Variants in ZNF516 observed in about 807,000 individuals in gnomAD.
The protein encoded by ZNF516 is zinc finger protein 516.
Under a neutral mutation model 79.7 loss-of-function variants are expected in ZNF516, and 19 were observed. That is an observed-to-expected ratio of 0.24 (90% CI 0.17 to 0.35). The LOEUF (loss-of-function observed/expected upper bound fraction) is 0.35, where lower values mean the gene tolerates loss of function less well. Ranked by LOEUF, ZNF516 falls within the 10% of genes least tolerant of loss-of-function variation. The pLI, the probability that ZNF516 is intolerant of heterozygous loss-of-function variation, is 1.00. For missense variants in ZNF516, 1,678 were observed against 1,679.5 expected, an observed-to-expected ratio of 1.00 and a Z score of 0.02; for synonymous variants, 877 against 739.5, an observed-to-expected ratio of 1.19 and a Z score of -3.02.
chr18:76,496,024 C>T (rs1236340027), upstream of ZNF516, among the ~76,000 whole-genome samples: 2 of 152,260 alleles, frequency 1.3e-5, no homozygotes, highest in East Asian at 1.9e-4. Context: ...AACTTCATTT[C>T]TTCACCTCAC....
At chr18:76,440,066 C>G (rs1234769564) in intron 3 of ZNF516, among the ~76,000 whole-genome samples, 2 of 152,242 alleles carry the variant, frequency 1.3e-5, no homozygotes, top group African/African-American at 2.4e-5. Context: ...ATACGCATTA[C>G]TGAAAAGTCA....
At chr18:76,386,891 G>C (rs1219425524) in intron 3 of ZNF516, 1 of 152,174 alleles carries the variant, frequency 6.6e-6, no homozygotes, top group African/African-American at 2.4e-5. Context: ...GGTTCCCACA[G>C]GATGTGGTAT....
intron 3 of ZNF516, among the ~76,000 whole-genome samples, chr18:76,434,222 A>G (rs1478716560): frequency 1.3e-5 from 2 of 151,220 alleles, no homozygotes; most frequent in Admixed American, 1.3e-4. Flanking sequence ...ACAAAAAGGA[A>G]CCCTTCCATT....
chr18:76,457,685 C>A (rs116077106), intron 2 of ZNF516, among the ~76,000 whole-genome samples: 2,686 of 152,278 alleles, frequency 0.018, 92 homozygotes, highest in African/African-American at 0.062. Flanking sequence ...CCACTGCACT[C>A]CATCCTAGGT....
chr18:76,378,878 C>T lies in ZNF516; in HGVS notation c.3236G>A (p.Ser1079Asn). The T allele has an allele frequency of 6.2e-7, 1 of 1,613,462 alleles. No homozygotes were observed. Among genetic ancestry groups the T allele is most frequent in the Non-Finnish European group, 8.5e-7 (1 of 1,179,670 alleles). The change falls in exon 4 of 7, where the codon AGC (serine) becomes AAC (asparagine). Residue 1079 changes from serine (S) to asparagine (N), a missense_variant. By Grantham distance (46) the Ser-to-Asn change is conservative. Transcript: ENST00000443185. ...FATLYQGWGV[S>N]GPGLEHRGTL... is the part of the protein sequence containing the mutation. ...ACCTCTGTGCTCCAACCCAGGGCCG[C>T]TGACACCCCATCCCTGGTAGAGGGT... is the stretch of plus-strand genomic sequence containing the variant.
intron 3 of ZNF516, among the ~76,000 whole-genome samples, chr18:76,423,169 A>G (rs2075530165): frequency 6.6e-6 from 1 of 152,214 alleles, no homozygotes; most frequent in African/African-American, 2.4e-5. Flanking sequence ...CATTCTTTAC[A>G]AGGGAAGGGA....
At chr18:76,452,632 C>T (rs1355951969) in intron 2 of ZNF516, among the ~76,000 whole-genome samples, 1 of 152,148 alleles carries the variant, frequency 6.6e-6, no homozygotes, top group Non-Finnish European at 1.5e-5. Flanking sequence ...ATTCCTGGTC[C>T]AAGAGGAAAG....
At chr18:76,397,511 TTAAGTGA>T (rs1909661537) in intron 3 of ZNF516, among the ~76,000 whole-genome samples, 1 of 152,262 alleles carries the variant, frequency 6.6e-6, no homozygotes, top group South Asian at 2.1e-4. Flanking sequence ...CGTTTTCATT[TTAAGTGA>T]TAATCTACTA....
chr18:76,364,150 T>C (rs772950661), intron 6 of ZNF516, among the ~76,000 whole-genome samples: 1 of 152,200 alleles, frequency 6.6e-6, no homozygotes, highest in Non-Finnish European at 1.5e-5. Context: ...CACTGCAAAG[T>C]CGGGATAAGC....
At position 76,361,828 on chromosome 18, in the gene ZNF516, TG is replaced by T. The variant is rs1232318804; in HGVS notation, c.*669del. On this transcript the variant is annotated 3_prime_UTR_variant, in exon 7 of 7. Coordinates refer to ENST00000443185, the MANE Select transcript of ZNF516 (RefSeq NM_014643.4). ...CGCTCAGTTCGAATGGTGGGAAGAA[TG>T]GAACAGGCACACGGCCCCAGGGAGG... The T allele has an allele frequency of 6.6e-6, 1 of 152,156 alleles. No individual in the cohort carries two copies. The highest frequency in any genetic ancestry group is 1.5e-5 in the Non-Finnish European group (1 of 68,036). 9.4% of individuals were successfully genotyped at this position (152,156 alleles called of 1,614,324 possible). A position where few individuals can be genotyped will look rare whatever the true frequency, so the allele number is the denominator to read the frequency against.
intron 1 of ZNF516, chr18:76,491,056 G>T: frequency 1.0e-6 from 1 of 985,232 alleles, no homozygotes; most frequent in Non-Finnish European, 1.2e-6. Flanking sequence ...GCGCAGGACC[G>T]GTTCAGGTGT....
intron 3 of ZNF516, among the ~76,000 whole-genome samples, chr18:76,396,773 T>C (rs2075152086): frequency 6.6e-6 from 1 of 152,132 alleles, no homozygotes; most frequent in African/African-American, 2.4e-5. Context: ...CTCCAAACTG[T>C]GGAGAAGAGA....
Position 76,415,532 on chromosome 18 carries a change from G to A in ZNF516, c.1810+25713C>T, listed in dbSNP as rs188091517. 7.2e-5 allele frequency among the ~76,000 whole-genome samples: 11 copies of A among 152,298 alleles called. 1 individual carries two copies. In the East Asian group the frequency reaches 9.6e-4, roughly 13 times the overall value. ...AAAGAGGGCACAGCCAGCTCTCAGC[G>A]GTGGCCATGCAGAACCTGCCTCTCC... On this transcript the variant is annotated intron_variant, in intron 3 of 6. Coordinates refer to ENST00000443185, the MANE Select transcript of ZNF516 (RefSeq NM_014643.4).
At chr18:76,479,128 C>G (rs1914347854) in intron 1 of ZNF516, among the ~76,000 whole-genome samples, 1 of 151,978 alleles carries the variant, frequency 6.6e-6, no homozygotes, top group Admixed American at 6.6e-5. Flanking sequence ...GAACAATCAT[C>G]ATCAGGATAC....
intron 6 of ZNF516, among the ~76,000 whole-genome samples, chr18:76,366,796 A>C (rs755358278): frequency 9.9e-5 from 15 of 152,202 alleles, no homozygotes; most frequent in Admixed American, 3.9e-4. Flanking sequence ...CTTGATTTCC[A>C]CAGCAAGTAT....
At chr18:76,477,749 A>G (rs149855729) in intron 1 of ZNF516, among the ~76,000 whole-genome samples, 3 of 152,272 alleles carry the variant, frequency 2.0e-5, no homozygotes, top group African/African-American at 4.8e-5. Context: ...TAGCATGGGA[A>G]TAAGACACAA....
At chr18:76,485,422 C>T (rs1385015379) in intron 1 of ZNF516, among the ~76,000 whole-genome samples, 1 of 152,218 alleles carries the variant, frequency 6.6e-6, no homozygotes, top group Non-Finnish European at 1.5e-5. Flanking sequence ...TCTTCGCTCA[C>T]GTTCTCGAAG....
chr18:76,472,870 C>T (rs1026955840), intron 1 of ZNF516, among the ~76,000 whole-genome samples: 1 of 152,164 alleles, frequency 6.6e-6, no homozygotes, highest in Admixed American at 6.5e-5. Context: ...CCTTACCTGT[C>T]TTGAAATAAA....
rs114206049 is a variant in ZNF516 at position 76,414,680 on chromosome 18, T to G, written c.1810+26565A>C. 1.9e-3 allele frequency among the ~76,000 whole-genome samples: 284 copies of G among 152,368 alleles called. 1 individual carries two copies. The highest frequency in any genetic ancestry group is 6.5e-3 in the African/African-American group (270 of 41,602). ...CAATTAAGAATAATTATGTGAAAGATAAACCAATAAATTCTAAAATTTGGT... is the reference window on the plus strand; with the variant it reads ...CAATTAAGAATAATTATGTGAAAGAGAAACCAATAAATTCTAAAATTTGGT... On this transcript the variant is annotated intron_variant, in intron 3 of 6. Transcript: ENST00000443185.
Sources: allele counts gnomAD v4.1 joint callset (sites outside exome capture counted in the v4.1 genomes callset), GRCh38; gene constraint gnomAD v4.1.1; transcripts MANE v1.5; gene names NCBI Gene and HGNC (gene_info 2026-07-23, HGNC 2026-07-21).